RAD51B: variants seen among roughly 807,000 people sequenced by gnomAD.
RAD51B encodes the protein RAD51 paralog B.
In RAD51B, 38 loss-of-function variants were observed where a neutral mutation model predicts 42.2. The ratio of observed to expected loss-of-function variants is 0.90; its 90% CI spans 0.70 to 1.18. The LOEUF (loss-of-function observed/expected upper bound fraction) is 1.18. Among genes scored for constraint, RAD51B ranks in the 50% most tolerant of loss-of-function variants. RAD51B has a pLI of 0.00. For missense variants in RAD51B, 373 were observed against 400.7 expected, an observed-to-expected ratio of 0.93 and a Z score of 0.59; for synonymous variants, 154 against 145.2, an observed-to-expected ratio of 1.06 and a Z score of -0.43.
intron 7 of RAD51B, chr14:68,236,620 T>C (rs367917206): frequency 1.3e-5 from 2 of 152,270 alleles, no homozygotes; most frequent in African/African-American, 4.8e-5. Flanking sequence ...ACCATGTTTG[T>C]TGTTTTTATG....
intron 8 of RAD51B, among the ~76,000 whole-genome samples, chr14:68,360,691 C>G (rs1463680116): frequency 1.3e-5 from 2 of 152,114 alleles, no homozygotes; most frequent in Non-Finnish European, 2.9e-5. Context: ...AGCTGACACC[C>G]CTTTAACAAA....
chr14:68,373,609 G>A (rs1038789855), intron 8 of RAD51B, among the ~76,000 whole-genome samples: 2 of 151,984 alleles, frequency 1.3e-5, no homozygotes, highest in Non-Finnish European at 2.9e-5. Context: ...CATACACCGG[G>A]GCCTGTTGGT....
intron 4 of RAD51B, among the ~76,000 whole-genome samples, chr14:67,849,240 G>T (rs2041722797): frequency 6.6e-6 from 1 of 152,046 alleles, no homozygotes; most frequent in South Asian, 2.1e-4. Context: ...ACTTCTCAAA[G>T]ACTTTGTTCA....
chr14:68,021,455 G>C (rs1359583102), intron 7 of RAD51B, among the ~76,000 whole-genome samples: 1 of 152,064 alleles, frequency 6.6e-6, no homozygotes, highest in African/African-American at 2.4e-5. Context: ...ACTGTCACAG[G>C]GTCATTGTCC....
intron 8 of RAD51B, among the ~76,000 whole-genome samples, chr14:68,379,803 G>A (rs2083444167): frequency 6.6e-6 from 1 of 152,144 alleles, no homozygotes; most frequent in Non-Finnish European, 1.5e-5. Flanking sequence ...TTTAATCAAG[G>A]CAACTGTTGC....
chr14:68,323,734 A>C (rs1482155284), intron 8 of RAD51B, among the ~76,000 whole-genome samples: 1 of 152,168 alleles, frequency 6.6e-6, no homozygotes, highest in African/African-American at 2.4e-5. Flanking sequence ...GGCGGAGGTT[A>C]CAGTGAGCTG....
intron 7 of RAD51B, among the ~76,000 whole-genome samples, chr14:67,903,160 A>G (rs1231166061): frequency 6.6e-6 from 1 of 152,152 alleles, no homozygotes; most frequent in East Asian, 1.9e-4. Flanking sequence ...GCCTGGCCTG[A>G]GAAAACTTCT....
intron 8 of RAD51B, among the ~76,000 whole-genome samples, chr14:68,371,137 C>A (rs1265797294): frequency 1.4e-5 from 2 of 147,608 alleles, no homozygotes; most frequent in South Asian, 4.3e-4. Flanking sequence ...GTCATTTTTT[C>A]CATTCCTAGA....
chr14:68,448,994 A>G (rs867461132), intron 9 of RAD51B, among the ~76,000 whole-genome samples: 11 of 152,354 alleles, frequency 7.2e-5, no homozygotes, highest in East Asian at 1.9e-4. Flanking sequence ...TGTACTCACC[A>G]TATATAATGT....
chr14:68,430,960 AG>A (rs1354325579), intron 9 of RAD51B, among the ~76,000 whole-genome samples: 3 of 152,326 alleles, frequency 2.0e-5, no homozygotes, highest in African/African-American at 7.2e-5. Context: ...TTTAGCATGA[AG>A]GGCTGTTGAA....
At chr14:68,041,693 A>G (rs905651531) in intron 7 of RAD51B, among the ~76,000 whole-genome samples, 12 of 152,118 alleles carry the variant, frequency 7.9e-5, no homozygotes, top group African/African-American at 2.9e-4. Flanking sequence ...CTACAGGCCT[A>G]TAGCTAATTC....
chr14:68,290,798 T>A (rs77268272), intron 7 of RAD51B, among the ~76,000 whole-genome samples: 2 of 20,408 alleles, frequency 9.8e-5, no homozygotes, highest in South Asian at 4.9e-3. Flanking sequence ...TTATTTATTT[T>A]TATTTATTTA....
intron 7 of RAD51B, among the ~76,000 whole-genome samples, chr14:67,985,015 T>G (rs2140278859): frequency 6.6e-6 from 1 of 152,354 alleles, no homozygotes; most frequent in Admixed American, 6.5e-5. Flanking sequence ...TCAGGTCTGT[T>G]TCCGCATTTG....
chr14:68,646,220 CAGTA>C (rs968834762), intron 10 of RAD51B, among the ~76,000 whole-genome samples: 47 of 152,306 alleles, frequency 3.1e-4, no homozygotes, highest in African/African-American at 1.1e-3. Context: ...TCTCCACTAA[CAGTA>C]AGTAAGAATG....
intron 7 of RAD51B, among the ~76,000 whole-genome samples, chr14:67,916,830 T>G (rs1423158794): frequency 2.0e-5 from 3 of 152,206 alleles, no homozygotes; most frequent in Non-Finnish European, 2.9e-5. Flanking sequence ...GGTATTCCAG[T>G]GAATAAAATA....
intron 9 of RAD51B, among the ~76,000 whole-genome samples, chr14:68,425,045 G>C (rs1030257214): frequency 6.6e-6 from 1 of 152,184 alleles, no homozygotes; most frequent in Non-Finnish European, 1.5e-5. Flanking sequence ...AAAGGGCTGA[G>C]ATTACAGGCA....
intron 8 of RAD51B, among the ~76,000 whole-genome samples, chr14:68,404,222 G>T (rs1209328888): frequency 6.6e-6 from 1 of 152,198 alleles, no homozygotes; most frequent in Non-Finnish European, 1.5e-5. Flanking sequence ...CCAAATTCCA[G>T]ACAATGAAGT....
rs34290011 is a variant in RAD51B, at chr14:67,941,212, C to T, written c.756+54008C>T. Among the ~76,000 whole-genome samples, 924 of 152,224 alleles carry T rather than the reference C, an allele frequency of 6.1e-3. 7 individuals are homozygous for T. The highest frequency in any genetic ancestry group is 0.017 in the Middle Eastern group (5 of 294). ...CAAAAAAACAGCATTAAAAATAACA[C>T]GGAGTTATGATGACATCTGAGTCAA... On this transcript the variant is annotated intron_variant, in intron 7 of 10. Coordinates refer to ENST00000471583, the MANE Select transcript of RAD51B (RefSeq NM_133510.4).
At chr14:67,990,225 T>G (rs1255061818) in intron 7 of RAD51B, among the ~76,000 whole-genome samples, 1 of 152,100 alleles carries the variant, frequency 6.6e-6, no homozygotes, top group Non-Finnish European at 1.5e-5. Flanking sequence ...CTTGATCTCT[T>G]GACCTCATAA....
Sources: allele counts gnomAD v4.1 joint callset (sites outside exome capture counted in the v4.1 genomes callset), GRCh38; gene constraint gnomAD v4.1.1; transcripts MANE v1.5; gene names NCBI Gene and HGNC (gene_info 2026-07-23, HGNC 2026-07-21).